The following AFG2A variants were observed in gnomAD, a reference collection of about 807,000 sequenced individuals.
AFG2A encodes the protein AAA ATPase AFG2A.
At chr4:122,936,283 T>C in the AFG2A span, 1 of 484,336 alleles carries the variant, frequency 2.1e-6, no homozygotes, top group South Asian at 6.8e-5. Context: ...TAGAAGTAGA[T>C]TATAGATCTA....
the AFG2A span, among the ~76,000 whole-genome samples, chr4:123,056,724 T>C: frequency 0.094 from 14,283 of 152,304 alleles, 865 homozygotes; most frequent in Middle Eastern, 0.21. Context: ...TTAATGCTGT[T>C]ACTAATAGTT....
At chr4:123,171,383 A>G in the AFG2A span, among the ~76,000 whole-genome samples, 34 of 152,316 alleles carry the variant, frequency 2.2e-4, no homozygotes, top group Admixed American at 2.1e-3. Context: ...ACAAAAGCAG[A>G]TAAGGTAAAA....
chr4:123,141,404 G>T, the AFG2A span, among the ~76,000 whole-genome samples: 15 of 152,304 alleles, frequency 9.8e-5, no homozygotes, highest in African/African-American at 3.6e-4. Flanking sequence ...GGAGGTTGCA[G>T]TGAGCCAAAA....
chr4:123,040,690 A>T, the AFG2A span, among the ~76,000 whole-genome samples: 1 of 152,216 alleles, frequency 6.6e-6, no homozygotes, highest in Non-Finnish European at 1.5e-5. Flanking sequence ...CAAAATCCTT[A>T]GAAGTATGAG....
At chr4:123,141,496 A>G in the AFG2A span, among the ~76,000 whole-genome samples, 1 of 152,136 alleles carries the variant, frequency 6.6e-6, no homozygotes, top group Non-Finnish European at 1.5e-5. Flanking sequence ...ACAAAAAAAC[A>G]GTGTTACTCT....
chr4:123,312,914 GAACA>G, the AFG2A span, among the ~76,000 whole-genome samples: 468 of 152,328 alleles, frequency 3.1e-3, 8 homozygotes, highest in Middle Eastern at 0.048. Context: ...TTCAGTGAGT[GAACA>G]AACAGAGAAA....
the AFG2A span, among the ~76,000 whole-genome samples, chr4:123,022,043 G>A: frequency 6.6e-6 from 1 of 150,898 alleles, no homozygotes; most frequent in Non-Finnish European, 1.5e-5. Flanking sequence ...AATTCAAGAT[G>A]GATTAAAGAC....
At chr4:123,165,180 G>C in the AFG2A span, among the ~76,000 whole-genome samples, 1 of 151,820 alleles carries the variant, frequency 6.6e-6, no homozygotes, top group African/African-American at 2.4e-5. Flanking sequence ...AAATTATAGA[G>C]AAAAAAGGTA....
chr4:123,256,023 T>G, the AFG2A span: 2 of 1,614,072 alleles, frequency 1.2e-6, no homozygotes, highest in Non-Finnish European at 1.7e-6. Flanking sequence ...TAGGCTTTGA[T>G]GCGGCCTGGA....
chr4:123,004,984 GA>G, the AFG2A span, among the ~76,000 whole-genome samples: 3 of 151,974 alleles, frequency 2.0e-5, no homozygotes, highest in African/African-American at 7.3e-5. Flanking sequence ...CTAAGTTGTT[GA>G]ATTTATGGCC....
At chr4:123,002,273 G>T in the AFG2A span, among the ~76,000 whole-genome samples, 2 of 152,010 alleles carry the variant, frequency 1.3e-5, no homozygotes, top group Non-Finnish European at 2.9e-5. Flanking sequence ...GCCAGTCTGT[G>T]TCTTTTAATT....
At chr4:122,964,501 CAAAAAAAA>C in the AFG2A span, among the ~76,000 whole-genome samples, 1 of 126,068 alleles carries the variant, frequency 7.9e-6, no homozygotes, top group African/African-American at 3.0e-5. Flanking sequence ...AAGACTGTCT[CAAAAAAAA>C]AAAAAAAAAG....
chr4:123,065,789 A>G, the AFG2A span, among the ~76,000 whole-genome samples: 1,497 of 152,258 alleles, frequency 9.8e-3, 17 homozygotes, highest in Non-Finnish European at 0.016. Context: ...TACAGGAGAC[A>G]TTCTGACCTG....
chr4:123,290,686 G>A, the AFG2A span, among the ~76,000 whole-genome samples: 2 of 152,188 alleles, frequency 1.3e-5, no homozygotes, highest in Non-Finnish European at 2.9e-5. Flanking sequence ...GAGAGCTTGT[G>A]CAGGGAAACT....
the AFG2A span, among the ~76,000 whole-genome samples, chr4:123,166,286 G>A: frequency 8.5e-5 from 13 of 152,164 alleles, no homozygotes; most frequent in East Asian, 1.9e-3. Context: ...GAAGAAAAAC[G>A]TGAAAAGGTT....
the AFG2A span, among the ~76,000 whole-genome samples, chr4:122,952,603 T>G: frequency 6.6e-6 from 1 of 152,190 alleles, no homozygotes; most frequent in African/African-American, 2.4e-5. Context: ...TTATAGCTCA[T>G]CCTGTTTGCC....
chr4:123,140,054 C>A, the AFG2A span, among the ~76,000 whole-genome samples: 1 of 151,944 alleles, frequency 6.6e-6, no homozygotes, highest in Non-Finnish European at 1.5e-5. Flanking sequence ...TACCATAGTT[C>A]TTGAAGGCTA....
At chr4:123,165,741 A>G in the AFG2A span, among the ~76,000 whole-genome samples, 1 of 152,156 alleles carries the variant, frequency 6.6e-6, no homozygotes, top group African/African-American at 2.4e-5. Context: ...AATATAATCA[A>G]TTACTTGCCT....
chr4:122,964,397 G>A, the AFG2A span, among the ~76,000 whole-genome samples: 1 of 151,758 alleles, frequency 6.6e-6, no homozygotes, highest in South Asian at 2.1e-4. Context: ...CCAGCTGCTT[G>A]GGAGGCTGAG....
Sources: gnomAD v4.1 joint callset for allele counts (sites outside exome capture counted in the v4.1 genomes callset) on GRCh38, gnomAD v4.1.1 for gene constraint, MANE v1.5 for transcripts, NCBI Gene and HGNC (gene_info 2026-07-23, HGNC 2026-07-21) for gene names.